Variants in EYS observed in about 807,000 individuals in gnomAD.
EYS encodes EGF-like photoreceptor maintenance factor.
EYS carries 250 observed loss-of-function variants against 282.1 expected under a neutral mutation model. The observed-to-expected ratio is 0.89, with a 90% CI of 0.80 to 0.98. The LOEUF is 0.98. EYS is among the 50% of genes least tolerant of loss of function. The pLI is 0.00. For synonymous variants in EYS, 1,355 were observed against 1,282.9 expected, an observed-to-expected ratio of 1.06 and a Z score of -1.20; for missense variants, 4,016 against 3,709.0, an observed-to-expected ratio of 1.08 and a Z score of -2.15.
chr6:64,009,169 T>TTCATTTTTC lies in EYS; in HGVS notation c.6726-9995_6726-9987dup, dbSNP rs545729939. The stretch of plus-strand genomic sequence containing the variant: ...GGTTTATTCATTTATTCATTTTTTA[T>TTCATTTTTC]TCATTTTTCTTTATTTTTGTCTGAC... On this transcript the variant is annotated intron_variant, in intron 33 of 42. Coordinates refer to ENST00000503581, the MANE Select transcript of EYS (RefSeq NM_001142800.2). Among the ~76,000 whole-genome samples the TTCATTTTTC allele has an allele frequency of 9.8e-5, 15 of 152,340 alleles. No homozygotes were observed. The East Asian group carries it at 2.9e-3, about 29-fold the overall frequency.
At chr6:64,849,048 A>T (rs1765803097) in intron 19 of EYS, among the ~76,000 whole-genome samples, 2 of 151,988 alleles carry the variant, frequency 1.3e-5, no homozygotes, top group Non-Finnish European at 2.9e-5. Context: ...CCTCCACACT[A>T]TTCTATTTTC....
At chr6:64,296,598 A>ATATATTT (rs1561913902) in intron 30 of EYS, among the ~76,000 whole-genome samples, 3 of 20,132 alleles carry the variant, frequency 1.5e-4, no homozygotes, top group African/African-American at 1.6e-4. Flanking sequence ...ATATATATAT[A>ATATATTT]TTTTTTTTTT....
At chr6:64,095,544 A>C (rs1476591499) in intron 31 of EYS, among the ~76,000 whole-genome samples, 2 of 152,050 alleles carry the variant, frequency 1.3e-5, no homozygotes, top group Admixed American at 6.6e-5. Context: ...TTGTTGGTTT[A>C]AAGTCTGTTT....
intron 32 of EYS, 103 bp downstream of exon 32, chr6:64,081,753 G>T: frequency 9.7e-7 from 1 of 1,032,012 alleles, no homozygotes; most frequent in Non-Finnish European, 1.4e-6. Context: ...CACTGGTCTG[G>T]AAAAATTCTC....
At chr6:64,026,351 C>T (rs1460883600) in intron 33 of EYS, among the ~76,000 whole-genome samples, 1 of 152,116 alleles carries the variant, frequency 6.6e-6, no homozygotes, top group Non-Finnish European at 1.5e-5. Context: ...GCGGTTTTGT[C>T]TTTCAGATGG....
At chr6:64,064,906 T>A (rs772889513) in intron 33 of EYS, among the ~76,000 whole-genome samples, 20 of 152,184 alleles carry the variant, frequency 1.3e-4, no homozygotes, top group Admixed American at 5.2e-4. Flanking sequence ...CACTTAGAAA[T>A]GGTTGAAATA....
At chr6:64,828,373 T>C (rs987071335) in intron 19 of EYS, among the ~76,000 whole-genome samples, 1 of 151,918 alleles carries the variant, frequency 6.6e-6, no homozygotes, top group African/African-American at 2.4e-5. Flanking sequence ...TTTGACTAAA[T>C]TGATGGAACT....
intron 2 of EYS, among the ~76,000 whole-genome samples, chr6:65,597,859 G>C (rs1765462821): frequency 6.6e-6 from 1 of 152,024 alleles, no homozygotes; most frequent in Admixed American, 6.6e-5. Context: ...CCAATACTTT[G>C]GGAGGTCAAG....
intron 31 of EYS, among the ~76,000 whole-genome samples, chr6:64,107,279 ATATATT>A (rs1299612952): frequency 6.7e-5 from 6 of 89,744 alleles, no homozygotes; most frequent in Non-Finnish European, 1.1e-4. Flanking sequence ...GTGTATATAT[ATATATT>A]TATATATATA....
chr6:64,295,787 T>G (rs890973243), intron 30 of EYS, among the ~76,000 whole-genome samples: 1 of 151,788 alleles, frequency 6.6e-6, no homozygotes, highest in South Asian at 2.1e-4. Context: ...ACAGCATTTG[T>G]TGCCAATGTT....
At chr6:64,957,220 A>G (rs1769739756) in intron 14 of EYS, among the ~76,000 whole-genome samples, 1 of 152,216 alleles carries the variant, frequency 6.6e-6, no homozygotes, top group Non-Finnish European at 1.5e-5. Context: ...GTACACATGC[A>G]CAATGGCGTA....
At chr6:64,107,285 T>TTATATATATATATATATATATATATATA (rs55756711) in intron 31 of EYS, among the ~76,000 whole-genome samples, 16 of 101,500 alleles carry the variant, frequency 1.6e-4, no homozygotes, top group Non-Finnish European at 2.4e-4. Flanking sequence ...ATATATATAT[T>TTATATATATATATATATATATATATATA]TATATATATA....
At position 64,257,343 on chromosome 6, in the gene EYS, T is replaced by C. The variant is rs181041370; in HGVS notation, c.6192-26519A>G. ...ACTGTCCACAGAATTTCTCCCTTTT[T>C]CTATTTAGTAGTTGATAGTTGCTTG... On this transcript the variant is annotated intron_variant, in intron 30 of 42. Coordinates refer to ENST00000503581, the MANE Select transcript of EYS (RefSeq NM_001142800.2). 2.2e-3 allele frequency among the ~76,000 whole-genome samples: 329 copies of C among 152,166 alleles called. 1 individual carries two copies. Among genetic ancestry groups the C allele is most frequent in the African/African-American group, 7.1e-3 (297 of 41,544 alleles).
chr6:64,722,800 A>G (rs1771626278), intron 22 of EYS, among the ~76,000 whole-genome samples: 1 of 152,166 alleles, frequency 6.6e-6, no homozygotes, highest in South Asian at 2.1e-4. Flanking sequence ...TATTTAAACA[A>G]ATCTAAAAAG....
At chr6:65,017,302 C>T (rs1383472889) in intron 13 of EYS, among the ~76,000 whole-genome samples, 1 of 152,142 alleles carries the variant, frequency 6.6e-6, no homozygotes, top group Non-Finnish European at 1.5e-5. Flanking sequence ...AAAGCAAATT[C>T]GCTTTCCAGG....
chr6:63,823,535 C>T lies in EYS; in HGVS notation c.7229-17163G>A, dbSNP rs370815777. On this transcript the variant is annotated intron_variant, in intron 36 of 42. Coordinates refer to ENST00000503581, the MANE Select transcript of EYS (RefSeq NM_001142800.2). ...TTGCAATGGACATGCATATTTTATT[C>T]TCTAAGAAAAAAATTTCTCATTTAT... Among the ~76,000 whole-genome samples the T allele has an allele frequency of 5.3e-5, 8 of 152,206 alleles. No homozygotes were observed. In the South Asian group the frequency reaches 6.2e-4, roughly 12 times the overall value.
intron 28 of EYS, among the ~76,000 whole-genome samples, chr6:64,427,225 T>C (rs1774438893): frequency 1.3e-5 from 2 of 152,152 alleles, no homozygotes; most frequent in Non-Finnish European, 2.9e-5. Context: ...AGAGAATCTG[T>C]GGATATGGAC....
At chr6:65,189,824 T>G (rs759401402) in intron 12 of EYS, among the ~76,000 whole-genome samples, 1 of 151,802 alleles carries the variant, frequency 6.6e-6, no homozygotes, top group Non-Finnish European at 1.5e-5. Context: ...TTTGCAAGCC[T>G]CTTCAGAGGA....
At position 64,116,488 on chromosome 6, in the gene EYS, G is replaced by T. The variant is rs75686332; in HGVS notation, c.6425-34486C>A. ...CACAAAGAGACAGAAAGGAACAAAG[G>T]GTTGACAAGGTATTAACAAAATGGC... On this transcript the variant is annotated intron_variant, in intron 31 of 42. Coordinates refer to ENST00000503581, the MANE Select transcript of EYS (RefSeq NM_001142800.2). Among the ~76,000 whole-genome samples, 980 of 152,142 alleles carry T rather than the reference G, an allele frequency of 6.4e-3. 9 individuals carry two copies. The highest frequency in any genetic ancestry group is 0.031 in the East Asian group (161 of 5,174).
Sources: allele counts gnomAD v4.1 joint callset (sites outside exome capture counted in the v4.1 genomes callset), GRCh38; gene constraint gnomAD v4.1.1; transcripts MANE v1.5; gene names NCBI Gene and HGNC (gene_info 2026-07-23, HGNC 2026-07-21).